The following RORA variants were observed in gnomAD, a reference collection of about 807,000 sequenced individuals.
RORA encodes nuclear receptor ROR-alpha.
RORA carries 7 observed loss-of-function variants against 69.5 expected under a neutral mutation model. That is an observed-to-expected ratio of 0.10 (90% CI 0.06 to 0.19). The LOEUF (loss-of-function observed/expected upper bound fraction) is 0.19. Ranked by LOEUF, RORA falls within the 10% of genes least tolerant of loss-of-function variation. RORA has a pLI of 1.00. For synonymous variants in RORA, 261 were observed against 240.8 expected (o/e 1.08, Z -0.78); for missense variants, 457 against 663.0 (o/e 0.69, Z 3.41).
chr15:61,119,353 G>A (rs1002645899), intron 1 of RORA, among the ~76,000 whole-genome samples: 3 of 151,242 alleles, frequency 2.0e-5, no homozygotes, highest in Non-Finnish European at 2.9e-5. Context: ...ATGTACCACC[G>A]TGCCTGCCTA....
chr15:60,821,993 G>C (rs1363686539), intron 1 of RORA, among the ~76,000 whole-genome samples: 2 of 149,180 alleles, frequency 1.3e-5, no homozygotes, highest in Non-Finnish European at 3.0e-5. Flanking sequence ...AAAGCAATGA[G>C]TAGCAGTATT....
At chr15:60,770,892 G>C (rs540672578) in intron 1 of RORA, among the ~76,000 whole-genome samples, 4 of 152,254 alleles carry the variant, frequency 2.6e-5, no homozygotes, top group East Asian at 3.9e-4. Flanking sequence ...CACAGTTAAG[G>C]TTGTCAGGTA....
chr15:60,653,864 A>G (rs1001038043), intron 2 of RORA, among the ~76,000 whole-genome samples: 4 of 151,930 alleles, frequency 2.6e-5, no homozygotes, highest in Non-Finnish European at 5.9e-5. Flanking sequence ...TATTTGCCTA[A>G]TGTTATGATT....
chr15:60,573,536 G>A (rs182050957), intron 2 of RORA, among the ~76,000 whole-genome samples: 22 of 152,174 alleles, frequency 1.4e-4, no homozygotes, highest in Non-Finnish European at 3.1e-4. Context: ...GCCTCCCTCC[G>A]TGGCCTCCCG....
At chr15:60,846,595 G>A (rs532018170) in intron 1 of RORA, among the ~76,000 whole-genome samples, 1 of 152,278 alleles carries the variant, frequency 6.6e-6, no homozygotes, top group African/African-American at 2.4e-5. Flanking sequence ...ACTCACAGAA[G>A]GCACCTTTGT....
intron 1 of RORA, among the ~76,000 whole-genome samples, chr15:60,936,174 C>T (rs1318190213): frequency 1.3e-5 from 2 of 152,204 alleles, no homozygotes; most frequent in South Asian, 2.1e-4. Context: ...TCTGATGGCC[C>T]AGAGGTATCT....
intron 1 of RORA, among the ~76,000 whole-genome samples, chr15:61,094,851 C>T (rs889259551): frequency 4.6e-5 from 7 of 152,152 alleles, no homozygotes; most frequent in African/African-American, 1.4e-4. Flanking sequence ...GCATATGCCT[C>T]AGCAATGAGA....
intron 1 of RORA, among the ~76,000 whole-genome samples, chr15:60,924,014 T>C (rs1221372152): frequency 6.6e-6 from 1 of 152,184 alleles, no homozygotes; most frequent in African/African-American, 2.4e-5. Flanking sequence ...GGGTGAGCAC[T>C]GGCAGAGGTG....
chr15:61,078,435 G>A (rs1414414826), intron 1 of RORA, among the ~76,000 whole-genome samples: 1 of 151,888 alleles, frequency 6.6e-6, no homozygotes, highest in African/African-American at 2.4e-5. Context: ...CTGACCTCAA[G>A]TGATCCGCTT....
chr15:60,992,871 C>T (rs1894423661), intron 1 of RORA, among the ~76,000 whole-genome samples: 1 of 152,130 alleles, frequency 6.6e-6, no homozygotes, highest in African/African-American at 2.4e-5. Context: ...AAAGAGAAAG[C>T]CATATAGAAA....
intron 1 of RORA, among the ~76,000 whole-genome samples, chr15:61,032,235 T>A (rs1896209028): frequency 6.6e-6 from 1 of 152,198 alleles, no homozygotes; most frequent in South Asian, 2.1e-4. Context: ...GGTTACCATT[T>A]GTACAGATCC....
intron 2 of RORA, among the ~76,000 whole-genome samples, chr15:60,622,338 C>T (rs531475605): frequency 8.5e-5 from 13 of 152,054 alleles, no homozygotes; most frequent in East Asian, 7.8e-4. Context: ...GCAGGCTGGG[C>T]GTGATGGCTA....
At chr15:60,868,872 A>C (rs867844499) in intron 1 of RORA, among the ~76,000 whole-genome samples, 1 of 152,200 alleles carries the variant, frequency 6.6e-6, no homozygotes, top group Admixed American at 6.5e-5. Flanking sequence ...CTTCCTGTCT[A>C]TCTGTACATA....
intron 1 of RORA, among the ~76,000 whole-genome samples, chr15:61,081,600 G>C (rs964813482): frequency 6.6e-6 from 1 of 152,112 alleles, no homozygotes; most frequent in African/African-American, 2.4e-5. Context: ...GGGGTCAGGA[G>C]ATCGAGACCA....
chr15:60,526,132 T>C (rs958394837), intron 3 of RORA, among the ~76,000 whole-genome samples: 5 of 152,214 alleles, frequency 3.3e-5, no homozygotes, highest in African/African-American at 1.2e-4. Flanking sequence ...TCCAGCCCTA[T>C]ACTCATACAT....
chr15:60,685,789 TCAAAGCATTAG>T (rs1050069447), intron 1 of RORA, among the ~76,000 whole-genome samples: 15 of 152,318 alleles, frequency 9.8e-5, no homozygotes, highest in African/African-American at 3.4e-4. Context: ...GTGGAAGGCA[TCAAAGCATTAG>T]CAATGTTACG....
At chr15:61,207,835 T>C (rs1312194348) in intron 1 of RORA, among the ~76,000 whole-genome samples, 2 of 152,238 alleles carry the variant, frequency 1.3e-5, no homozygotes, top group African/African-American at 4.8e-5. Flanking sequence ...AAACAGGCTG[T>C]CATTGGGAAA....
rs1187405989 is a variant in RORA, at chr15:60,531,755, A to C, written c.282+11T>G. ...ACATTAATAGAAACAACAACAATTA[A>C]AAAGGCTTACCTTGCAGCCTTCACA... is the stretch of plus-strand genomic sequence containing the variant. On this transcript the variant is annotated intron_variant, in intron 3 of 10. Coordinates refer to ENST00000335670, the MANE Select transcript of RORA (RefSeq NM_134261.3). The surrounding 1 kb of genome is among the most constrained non-coding windows in gnomAD (Gnocchi z 4.8). 6.8e-7 allele frequency: 1 copy of C among 1,461,452 alleles called. No homozygotes were observed. The highest frequency in any genetic ancestry group is 9.4e-7 in the Non-Finnish European group (1 of 1,062,886). The allele number at this position is 1,461,452 out of a possible 1,614,324, so 90.5% of individuals were successfully genotyped here.
At chr15:60,695,730 G>GC (rs1331815039) in intron 1 of RORA, among the ~76,000 whole-genome samples, 1 of 151,850 alleles carries the variant, frequency 6.6e-6, no homozygotes, top group South Asian at 2.1e-4. Flanking sequence ...CCTGCCTCGC[G>GC]CCCCCACGTC....
Sources: allele counts gnomAD v4.1 joint callset (sites outside exome capture counted in the v4.1 genomes callset), GRCh38; gene constraint gnomAD v4.1.1; non-coding constraint Gnocchi (gnomAD v3.1); transcripts MANE v1.5; gene names NCBI Gene and HGNC (gene_info 2026-07-23, HGNC 2026-07-21).